Variants in CHSY1 observed in about 807,000 individuals in gnomAD.
The protein encoded by CHSY1 is chondroitin sulfate synthase 1.
In CHSY1, 13 loss-of-function variants were observed where a neutral mutation model predicts 59.8. The ratio of observed to expected loss-of-function variants is 0.22; its 90% CI spans 0.14 to 0.35. CHSY1 has a LOEUF of 0.35. Ranked by LOEUF, CHSY1 falls within the 10% of genes least tolerant of loss-of-function variation. The pLI, the probability that CHSY1 is intolerant of heterozygous loss-of-function variation, is 1.00. For synonymous variants in CHSY1, 459 were observed against 401.2 expected, an observed-to-expected ratio of 1.14 and a Z score of -1.72; for missense variants, 947 against 1,030.6, an observed-to-expected ratio of 0.92 and a Z score of 1.11.
At chr15:101,242,342 ACTGCAAAGTGCTCTTGTGCTGAGAC>A (rs2039011050) in intron 1 of CHSY1, among the ~76,000 whole-genome samples, 1 of 152,200 alleles carries the variant, frequency 6.6e-6, no homozygotes, top group Admixed American at 6.5e-5. Flanking sequence ...CACCACTTCA[ACTGCAAAGTGCTCTTGTGCTGAGAC>A]CTACCTGCCA....
chr15:101,227,595 C>G lies in CHSY1; in HGVS notation c.816+7487G>C, dbSNP rs533423260. On this transcript the variant is annotated intron_variant, in intron 2 of 2. Transcript: ENST00000254190. ...ACTCCTGGGAATCTACAAGGCCACA[C>G]GCATGTGTGGGAGTGTGTGCATGTT... Among the ~76,000 whole-genome samples, 6 of 152,314 alleles carry G rather than the reference C, an allele frequency of 3.9e-5. No individual in the cohort carries two copies. In the East Asian group the frequency reaches 9.6e-4, roughly 24 times the overall value.
At position 101,223,634 on chromosome 15, in the gene CHSY1, G is replaced by A. The variant is rs1363613797; in HGVS notation, c.816+11448C>T. ...ACTTCCACACTGGGACTCAGGCCTC[G>A]TCTACTACAGAGGACTTCCACACTG... On this transcript the variant is annotated intron_variant, in intron 2 of 2. Transcript: ENST00000254190. 5.8e-4 allele frequency among the ~76,000 whole-genome samples: 17 copies of A among 29,380 alleles called. No individual in the cohort carries two copies. In the South Asian group the frequency reaches 0.014, roughly 23 times the overall value. The allele number at this position is 29,380 out of a possible 152,430, so 19.3% of individuals were successfully genotyped here. A position where few individuals can be genotyped will look rare whatever the true frequency, so the allele number is the denominator to read the frequency against.
chr15:101,234,019 C>A (rs1386359707), intron 2 of CHSY1, among the ~76,000 whole-genome samples: 3 of 152,190 alleles, frequency 2.0e-5, no homozygotes, highest in African/African-American at 7.2e-5. Context: ...ACAATACAAC[C>A]TCAATAATTT....
intron 2 of CHSY1, among the ~76,000 whole-genome samples, chr15:101,219,990 G>A (rs914408295): frequency 1.3e-5 from 2 of 152,144 alleles, no homozygotes; most frequent in African/African-American, 4.8e-5. Context: ...CTGACCTCAG[G>A]GGATCCGCCT....
rs1414653314 is a variant in CHSY1 at position 101,251,722 on chromosome 15, G to C, written c.-266C>G. The C allele has an allele frequency of 2.7e-5, 4 of 148,188 alleles. No homozygotes were observed. The highest frequency in any genetic ancestry group is 6.7e-5 in the Admixed American group (1 of 14,922). The allele number at this position is 148,188 out of a possible 1,614,324, so 9.2% of individuals were successfully genotyped here. On this transcript the variant is annotated 5_prime_UTR_variant, in exon 1 of 3. Coordinates refer to ENST00000254190, the MANE Select transcript of CHSY1 (RefSeq NM_014918.5). ...GCCCGGCGCGCGCTAGCGGCGGCTC[G>C]GGCGCGAGGTGGCGGCGGCTCCTCC... is the stretch of plus-strand genomic sequence containing the variant.
rs139769938 is a variant in CHSY1, at chr15:101,182,704, A to C, written c.817-3724T>G. 2.6e-3 allele frequency among the ~76,000 whole-genome samples: 398 copies of C among 152,338 alleles called. 1 individual carries two copies. The highest frequency in any genetic ancestry group is 8.8e-3 in the African/African-American group (367 of 41,582). On this transcript the variant is annotated intron_variant, in intron 2 of 2. Coordinates refer to ENST00000254190, the MANE Select transcript of CHSY1 (RefSeq NM_014918.5). ...GGAAACCGGAAGAGTCTTTTGGATC[A>C]ATTGAACAGTACCATAGATACCTAG...
chr15:101,192,801 C>CA (rs1207713591), intron 2 of CHSY1, among the ~76,000 whole-genome samples: 1 of 152,060 alleles, frequency 6.6e-6, no homozygotes, highest in African/African-American at 2.4e-5. Flanking sequence ...CATGTATTTC[C>CA]AAAATAACCT....
chr15:101,217,748 T>C (rs2038749115), intron 2 of CHSY1, among the ~76,000 whole-genome samples: 1 of 152,058 alleles, frequency 6.6e-6, no homozygotes, highest in South Asian at 2.1e-4. Context: ...ACTGAACAAA[T>C]AAATGAGGAA....
chr15:101,218,525 G>C (rs996759696), intron 2 of CHSY1, among the ~76,000 whole-genome samples: 1 of 152,214 alleles, frequency 6.6e-6, no homozygotes, highest in African/African-American at 2.4e-5. Flanking sequence ...GAATGCAGGA[G>C]AATCGCTTGA....
intron 2 of CHSY1, among the ~76,000 whole-genome samples, chr15:101,201,851 G>A (rs1052172110): frequency 6.6e-5 from 10 of 152,226 alleles, no homozygotes; most frequent in African/African-American, 2.4e-4. Flanking sequence ...GAGAACTGGA[G>A]GCTGCCTTCA....
rs1036772977 is a variant in CHSY1, at chr15:101,197,878, C to T, written c.817-18898G>A. Among the ~76,000 whole-genome samples the T allele has an allele frequency of 4.0e-4, 61 of 152,156 alleles. 1 individual carries two copies. Among genetic ancestry groups the T allele is most frequent in the African/African-American group, 9.9e-4 (41 of 41,514 alleles). ...TGACCTTGGTATACGCTAAGAATTC[C>T]GCGAGTGGTATTTGGACGCCTTATA... On this transcript the variant is annotated intron_variant, in intron 2 of 2. Coordinates refer to ENST00000254190, the MANE Select transcript of CHSY1 (RefSeq NM_014918.5).
intron 2 of CHSY1, among the ~76,000 whole-genome samples, chr15:101,187,319 A>G (rs770989901): frequency 2.1e-4 from 32 of 152,256 alleles, no homozygotes; most frequent in South Asian, 1.2e-3. Context: ...TTTCTATTAA[A>G]ATTACAAAAA....
Position 101,235,598 on chromosome 15 carries a change from A to G in CHSY1, c.321-21T>C, listed in dbSNP as rs765588671. On this transcript the variant is annotated intron_variant, in intron 1 of 2. Transcript: ENST00000254190. ...ATGTTCTGGAATTAAAATAAATATC[A>G]GTTAGAGAACAGTTTATTCCAAGCT... The G allele has an allele frequency of 1.9e-6, 3 of 1,601,584 alleles. No homozygotes were observed. In the African/African-American group the frequency reaches 4.0e-5, roughly 21 times the overall value.
chr15:101,179,079 G>T (rs2038240052), intron 2 of CHSY1, 99 bp from the exon 3 acceptor site: 12 of 1,203,290 alleles, frequency 1.0e-5, no homozygotes, highest in Non-Finnish European at 1.4e-5. Flanking sequence ...TTTCTGAATG[G>T]ACCACAGCAC....
intron 2 of CHSY1, among the ~76,000 whole-genome samples, chr15:101,230,992 T>G (rs2038887199): frequency 6.6e-6 from 1 of 152,082 alleles, no homozygotes; most frequent in Admixed American, 6.5e-5. Context: ...TCATAACTGG[T>G]GTATTTTGGT....
intron 2 of CHSY1, chr15:101,189,331 G>A: frequency 1.7e-6 from 1 of 582,716 alleles, no homozygotes; most frequent in Non-Finnish European, 2.2e-6. Flanking sequence ...CGTCACACGT[G>A]ACCCAACATG....
intron 2 of CHSY1, among the ~76,000 whole-genome samples, chr15:101,205,390 C>T (rs2038614717): frequency 6.6e-6 from 1 of 152,134 alleles, no homozygotes; most frequent in African/African-American, 2.4e-5. Context: ...TAAGAAAAAG[C>T]CTGGTCTTTA....
intron 2 of CHSY1, among the ~76,000 whole-genome samples, chr15:101,233,917 G>C (rs956118775): frequency 5.3e-5 from 8 of 152,202 alleles, no homozygotes; most frequent in Non-Finnish European, 1.0e-4. Flanking sequence ...AAAGCTAACA[G>C]TTCATATTAG....
At chr15:101,208,130 C>T (rs976825783) in intron 2 of CHSY1, among the ~76,000 whole-genome samples, 12 of 152,228 alleles carry the variant, frequency 7.9e-5, no homozygotes, top group African/African-American at 2.6e-4. Context: ...GAGGAAGAAC[C>T]CTTTGGGGTT....
Sources: gnomAD v4.1 joint callset for allele counts (sites outside exome capture counted in the v4.1 genomes callset) on GRCh38, gnomAD v4.1.1 for gene constraint, MANE v1.5 for transcripts, NCBI Gene and HGNC (gene_info 2026-07-23, HGNC 2026-07-21) for gene names.